The following MAN1A1 variants were observed in gnomAD, a reference collection of about 807,000 sequenced individuals.
MAN1A1 encodes mannosidase alpha class 1A member 1.
In MAN1A1, 29 loss-of-function variants were observed where a neutral mutation model predicts 70.8. The ratio of observed to expected loss-of-function variants is 0.41; its 90% CI spans 0.31 to 0.56. The LOEUF is 0.56. Among genes scored for constraint, MAN1A1 ranks in the 20% least tolerant of loss-of-function variants. The pLI, the probability that MAN1A1 is intolerant of heterozygous loss-of-function variation, is 0.29. For synonymous variants in MAN1A1, 349 were observed against 330.1 expected, an observed-to-expected ratio of 1.06 and a Z score of -0.62; for missense variants, 747 against 841.3, an observed-to-expected ratio of 0.89 and a Z score of 1.39.
chr6:119,298,366 C>A (rs1562231553), intron 4 of MAN1A1, among the ~76,000 whole-genome samples: 1 of 152,224 alleles, frequency 6.6e-6, no homozygotes, highest in East Asian at 1.9e-4. Flanking sequence ...AATCGACTTC[C>A]TATGCCCTAA....
intron 6 of MAN1A1, among the ~76,000 whole-genome samples, chr6:119,215,952 T>C (rs1582704198): frequency 6.6e-6 from 1 of 152,148 alleles, no homozygotes; most frequent in African/African-American, 2.4e-5. Flanking sequence ...ATCTTCAAGG[T>C]GAGACCAGAA....
chr6:119,244,694 C>G (rs927537922), intron 6 of MAN1A1, among the ~76,000 whole-genome samples: 6 of 152,084 alleles, frequency 3.9e-5, no homozygotes, highest in Admixed American at 6.6e-5. Context: ...TAAACCTCCC[C>G]AATTCAAAAT....
intron 12 of MAN1A1, 120 bp from the exon 13 acceptor site, chr6:119,180,065 G>T: frequency 9.2e-7 from 1 of 1,091,930 alleles, no homozygotes; most frequent in Non-Finnish European, 1.3e-6. Flanking sequence ...ATGGACAAGA[G>T]TCAAATATAT....
At chr6:119,193,099 G>A (rs368794358) in intron 9 of MAN1A1, among the ~76,000 whole-genome samples, 2 of 151,670 alleles carry the variant, frequency 1.3e-5, no homozygotes, top group South Asian at 2.1e-4. Context: ...ATTTTGGTTC[G>A]ACATGTAATC....
At chr6:119,348,222 C>A (rs1478979612) in intron 2 of MAN1A1, among the ~76,000 whole-genome samples, 1 of 152,218 alleles carries the variant, frequency 6.6e-6, no homozygotes, top group Non-Finnish European at 1.5e-5. Context: ...GGCTTGTGGT[C>A]ACCAGAGCAA....
At chr6:119,341,248 C>T (rs1382286416) in intron 2 of MAN1A1, among the ~76,000 whole-genome samples, 3 of 152,102 alleles carry the variant, frequency 2.0e-5, no homozygotes, top group Non-Finnish European at 4.4e-5. Flanking sequence ...AGGAATTAGC[C>T]AGTATTGCTT....
At chr6:119,255,932 T>C (rs969788183) in intron 5 of MAN1A1, among the ~76,000 whole-genome samples, 1 of 152,242 alleles carries the variant, frequency 6.6e-6, no homozygotes, top group Admixed American at 6.5e-5. Flanking sequence ...AAAAAAAATA[T>C]ATTTAATTAG....
At chr6:119,282,010 T>C (rs1456263459) in intron 5 of MAN1A1, among the ~76,000 whole-genome samples, 1 of 152,052 alleles carries the variant, frequency 6.6e-6, no homozygotes, top group Non-Finnish European at 1.5e-5. Context: ...TGCAGTGAAG[T>C]GAGCCAAGAT....
At chr6:119,197,411 G>A (rs1285116507) in intron 8 of MAN1A1, among the ~76,000 whole-genome samples, 2 of 152,152 alleles carry the variant, frequency 1.3e-5, no homozygotes, top group Non-Finnish European at 2.9e-5. Context: ...GCAAGACACT[G>A]TGTACTGGCT....
chr6:119,286,500 A>C (rs533722324), intron 5 of MAN1A1, among the ~76,000 whole-genome samples: 197 of 152,250 alleles, frequency 1.3e-3, no homozygotes, highest in Non-Finnish European at 2.5e-3. Flanking sequence ...GCAGTATTTC[A>C]TACTGGTGTT....
intron 4 of MAN1A1, among the ~76,000 whole-genome samples, chr6:119,297,670 T>C (rs1326286278): frequency 6.7e-6 from 1 of 148,930 alleles, no homozygotes; most frequent in South Asian, 2.1e-4. Context: ...TTAAACACGA[T>C]ACACCCATGA....
Position 119,189,728 on chromosome 6 carries a change from G to A in MAN1A1, c.1482C>T (p.Ala494=), listed in dbSNP as rs551631312. 1.9e-6 allele frequency: 3 copies of A among 1,613,912 alleles called. No individual in the cohort carries two copies. The South Asian group carries it at 3.3e-5, about 18-fold the overall frequency. The change falls in exon 10 of 13, where the codon GCC becomes GCT. Residue 494 remains alanine (A), a synonymous_variant. Coordinates refer to ENST00000368468, the MANE Select transcript of MAN1A1 (RefSeq NM_005907.4). Reference sequence around the variant, plus strand: ...CAGCCCCGAGTTCAAGGTAGTGTTGGGCCATGCCTTCGGGAGCTGCATCAG... The same window carrying A: ...CAGCCCCGAGTTCAAGGTAGTGTTGAGCCATGCCTTCGGGAGCTGCATCAG... ...LGADAAPEGM[A]QHYLELGAEI... is the part of the protein sequence containing the mutation.
chr6:119,242,804 T>C (rs1775048266), intron 6 of MAN1A1, among the ~76,000 whole-genome samples: 1 of 152,190 alleles, frequency 6.6e-6, no homozygotes, highest in Non-Finnish European at 1.5e-5. Flanking sequence ...AGACTGCTAA[T>C]AGCAGCTTTA....
At chr6:119,264,265 T>C (rs1014421777) in intron 5 of MAN1A1, among the ~76,000 whole-genome samples, 3 of 152,240 alleles carry the variant, frequency 2.0e-5, no homozygotes, top group Non-Finnish European at 4.4e-5. Context: ...GGGATTCTGA[T>C]GTACACTACA....
At chr6:119,204,390 A>T (rs1014666827) in intron 7 of MAN1A1, among the ~76,000 whole-genome samples, 1 of 152,224 alleles carries the variant, frequency 6.6e-6, no homozygotes, top group Admixed American at 6.5e-5. Context: ...CGAGGGACCA[A>T]TTCAGCTGCA....
rs1298546294 is a variant in MAN1A1 at position 119,178,094 on chromosome 6, T to C, written c.*1725A>G. ...GGAAATAATGATGTACGGAAGAGTC[T>C]TTTTCATTTACTAATTTTACTAATT... is the stretch of plus-strand genomic sequence containing the variant. On this transcript the variant is annotated 3_prime_UTR_variant, in exon 13 of 13. Transcript: ENST00000368468. 1 of 152,114 alleles carries C rather than the reference T, an allele frequency of 6.6e-6. No homozygotes were observed. Among genetic ancestry groups the C allele is most frequent in the Non-Finnish European group, 1.5e-5 (1 of 67,968 alleles). 9.4% of individuals were successfully genotyped at this position (152,114 alleles called of 1,614,324 possible).
intron 5 of MAN1A1, among the ~76,000 whole-genome samples, chr6:119,289,025 T>A (rs117925034): frequency 0.028 from 4,238 of 151,218 alleles, 92 homozygotes; most frequent in Non-Finnish European, 0.045. Context: ...GGCAAATTAT[T>A]TTATCTATAG....
chr6:119,344,737 T>G (rs1343736770), intron 2 of MAN1A1, among the ~76,000 whole-genome samples: 2 of 152,260 alleles, frequency 1.3e-5, no homozygotes, highest in African/African-American at 4.8e-5. Flanking sequence ...ACCAAAAGGG[T>G]ATAAACTGTC....
chr6:119,322,059 G>T (rs947362093), intron 2 of MAN1A1, among the ~76,000 whole-genome samples: 4 of 152,142 alleles, frequency 2.6e-5, no homozygotes, highest in African/African-American at 9.7e-5. Flanking sequence ...TTCCCTAAGA[G>T]ATTCAGTTGG....
Sources: allele counts gnomAD v4.1 joint callset (sites outside exome capture counted in the v4.1 genomes callset), GRCh38; gene constraint gnomAD v4.1.1; transcripts MANE v1.5; gene names NCBI Gene and HGNC (gene_info 2026-07-23, HGNC 2026-07-21).